The following KCNQ1 variants were observed in gnomAD, a reference collection of about 807,000 sequenced individuals.
KCNQ1 encodes potassium voltage-gated channel subfamily KQT member 1.
KCNQ1 carries 49 observed loss-of-function variants against 72.4 expected under a neutral mutation model. That is an observed-to-expected ratio of 0.68 (90% CI 0.54 to 0.86). KCNQ1 has a LOEUF of 0.86. Among genes scored for constraint, KCNQ1 ranks in the 40% least tolerant of loss-of-function variants. The pLI, the probability that KCNQ1 is intolerant of heterozygous loss-of-function variation, is 0.00. For missense variants in KCNQ1, 790 were observed against 945.1 expected, an observed-to-expected ratio of 0.84 and a Z score of 2.15; for synonymous variants, 450 against 412.6, an observed-to-expected ratio of 1.09 and a Z score of -1.10.
intron 9 of KCNQ1, 72 bp downstream of exon 9, chr11:2,587,764 C>A: frequency 6.2e-7 from 1 of 1,602,728 alleles, no homozygotes. Context: ...GGCCGCAGCA[C>A]GAGGCTGGGA....
chr11:2,503,979 A>G (rs75753584), intron 1 of KCNQ1, among the ~76,000 whole-genome samples: 4,134 of 152,306 alleles, frequency 0.027, 196 homozygotes, highest in African/African-American at 0.096. Context: ...CACTCTAGTT[A>G]TATATCCAGA....
In KCNQ1 at chr11:2,624,183, C is replaced by A; in HGVS notation, c.1393+35329C>A. Reference sequence around the variant, plus strand: ...CCTAATGACGTAAGATGTGGGGCATCTTTTCATATACTTAGTTGCCATCTG... The same window carrying A: ...CCTAATGACGTAAGATGTGGGGCATATTTTCATATACTTAGTTGCCATCTG... On this transcript the variant is annotated intron_variant, in intron 10 of 15. Transcript: ENST00000155840. This position sits in a 1 kb window ranked among gnomAD's most constrained non-coding sequence, Gnocchi z 4.9. 1 of 398,558 alleles carries A rather than the reference C, an allele frequency of 2.5e-6. No individual in the cohort carries two copies. The highest frequency in any genetic ancestry group is 4.4e-6 in the Non-Finnish European group (1 of 226,054). 24.7% of individuals were successfully genotyped at this position (398,558 alleles called of 1,614,324 possible).
At position 2,624,312 on chromosome 11, in the gene KCNQ1, G is replaced by C. The variant is rs1253741775; in HGVS notation, c.1393+35458G>C. On this transcript the variant is annotated intron_variant, in intron 10 of 15. Transcript: ENST00000155840. This position sits in a 1 kb window ranked among gnomAD's most constrained non-coding sequence, Gnocchi z 4.9. ...TTTTTAAGGTTCTTTATATATTTTG[G>C]ATGAGTCCTTTATCAGGTATATCTT... 1 of 398,308 alleles carries C rather than the reference G, an allele frequency of 2.5e-6. No individual in the cohort carries two copies. The highest frequency in any genetic ancestry group is 4.4e-6 in the Non-Finnish European group (1 of 226,020). 24.7% of individuals were successfully genotyped at this position (398,308 alleles called of 1,614,324 possible). A position where few individuals can be genotyped will look rare whatever the true frequency, so the allele number is the denominator to read the frequency against.
Position 2,809,323 on chromosome 11 carries a change from C to T in KCNQ1, c.1794+31286C>T, listed in dbSNP as rs1289259783. 6.6e-6 allele frequency among the ~76,000 whole-genome samples: 1 copy of T among 152,126 alleles called. No individual in the cohort carries two copies. Among genetic ancestry groups the T allele is most frequent in the Non-Finnish European group, 1.5e-5 (1 of 68,034 alleles). On this transcript the variant is annotated intron_variant, in intron 15 of 15. Coordinates refer to ENST00000155840, the MANE Select transcript of KCNQ1 (RefSeq NM_000218.3). The surrounding 1 kb of genome is among the most constrained non-coding windows in gnomAD (Gnocchi z 7.1). ...AGGTTAAGGAAAATAAAATGTGGGACGCTGGACTCATCGTGGGTTTTTGCG... is the reference window on the plus strand; with the variant it reads ...AGGTTAAGGAAAATAAAATGTGGGATGCTGGACTCATCGTGGGTTTTTGCG...
In KCNQ1 at chr11:2,815,481, C is replaced by A. The variant is rs1298129101; in HGVS notation, c.1795-32286C>A. On this transcript the variant is annotated intron_variant, in intron 15 of 15. Transcript: ENST00000155840. The surrounding 1 kb of genome is among the most constrained non-coding windows in gnomAD (Gnocchi z 5.4). Reference sequence around the variant, plus strand: ...CGGAGGAGGTCCTGGGAGCCCACCTCCTGTAGATCCAAACACCTGATCTCA... The same window carrying A: ...CGGAGGAGGTCCTGGGAGCCCACCTACTGTAGATCCAAACACCTGATCTCA... Among the ~76,000 whole-genome samples, 1 of 152,158 alleles carries A rather than the reference C, an allele frequency of 6.6e-6. No individual in the cohort carries two copies. The highest frequency in any genetic ancestry group is 6.5e-5 in the Admixed American group (1 of 15,280).
intron 1 of KCNQ1, among the ~76,000 whole-genome samples, chr11:2,472,074 G>A (rs1051272494): frequency 4.6e-5 from 7 of 151,750 alleles, no homozygotes; most frequent in Non-Finnish European, 8.8e-5. Context: ...GTAGGTGTGT[G>A]TGTTCATGTA....
rs1163502217 is a variant in KCNQ1 at position 2,830,363 on chromosome 11, T to TGCCTGATATCTTAG, written c.1795-17404_1795-17403insGCCTGATATCTTAG. On this transcript the variant is annotated intron_variant, in intron 15 of 15. Coordinates refer to ENST00000155840, the MANE Select transcript of KCNQ1 (RefSeq NM_000218.3). The surrounding 1 kb of genome is among the most constrained non-coding windows in gnomAD (Gnocchi z 7.7). ...CTTCCCTGGGCAGGCATCCCAGAGC[T>TGCCTGATATCTTAG]ATGACCTGAATGATATCTTAGATGA... Among the ~76,000 whole-genome samples, 7 of 152,200 alleles carry TGCCTGATATCTTAG rather than the reference T, an allele frequency of 4.6e-5. No individual in the cohort carries two copies. Among genetic ancestry groups the TGCCTGATATCTTAG allele is most frequent in the African/African-American group, 1.7e-4 (7 of 41,526 alleles).
At chr11:2,726,399 G>A (rs993930790) in intron 11 of KCNQ1, among the ~76,000 whole-genome samples, 1 of 152,146 alleles carries the variant, frequency 6.6e-6, no homozygotes, top group Non-Finnish European at 1.5e-5. Context: ...CTCTTCCTGG[G>A]CCAGCAGTAG....
chr11:2,732,827 G>C (rs776430569), intron 11 of KCNQ1, among the ~76,000 whole-genome samples: 1 of 151,986 alleles, frequency 6.6e-6, no homozygotes, highest in East Asian at 1.9e-4. Context: ...CCACCCACTG[G>C]GGCCCAGGGA....
In KCNQ1 at chr11:2,572,428, C is replaced by T. The variant is rs112806966; in HGVS notation, c.780+319C>T. Among the ~76,000 whole-genome samples, 41 of 152,330 alleles carry T rather than the reference C, an allele frequency of 2.7e-4. 2 individuals are homozygous for T. In the South Asian group the frequency reaches 8.1e-3, roughly 30 times the overall value. On this transcript the variant is annotated intron_variant, in intron 5 of 15. Coordinates refer to ENST00000155840, the MANE Select transcript of KCNQ1 (RefSeq NM_000218.3). The stretch of plus-strand genomic sequence containing the variant: ...AGGCAAATCAAGGACCCGGTCAAGG[C>T]AGGGCCACCAGACTCCCTCCCGAGG...
chr11:2,673,019 G>C lies in KCNQ1; in HGVS notation c.1514+10938G>C. The C allele has an allele frequency of 2.5e-6, 1 of 398,668 alleles. No individual in the cohort carries two copies. The highest frequency in any genetic ancestry group is 4.4e-6 in the Non-Finnish European group (1 of 226,106). 24.7% of individuals were successfully genotyped at this position (398,668 alleles called of 1,614,324 possible). A position where few individuals can be genotyped will look rare whatever the true frequency, so the allele number is the denominator to read the frequency against. ...AAGCCAGTGAATCAATGTGTTACTT[G>C]AACAAATATAGGGTCTAGGGCTGGC... On this transcript the variant is annotated intron_variant, in intron 11 of 15. Transcript: ENST00000155840. The surrounding 1 kb of genome is among the most constrained non-coding windows in gnomAD (Gnocchi z 4.5).
Position 2,687,093 on chromosome 11 carries a change from G to A in KCNQ1, c.1514+25012G>A. Reference sequence around the variant, plus strand: ...TGATGCAAGATATCCTGAGTTGGGTGTGACAAGTACACCTTGACACACAAA... The same window carrying A: ...TGATGCAAGATATCCTGAGTTGGGTATGACAAGTACACCTTGACACACAAA... On this transcript the variant is annotated intron_variant, in intron 11 of 15. Transcript: ENST00000155840. The surrounding 1 kb of genome is among the most constrained non-coding windows in gnomAD (Gnocchi z 5.0). 2.5e-6 allele frequency: 1 copy of A among 398,684 alleles called. No individual in the cohort carries two copies. Among genetic ancestry groups the A allele is most frequent in the Non-Finnish European group, 4.4e-6 (1 of 226,084 alleles). The allele number at this position is 398,684 out of a possible 1,614,324, so 24.7% of individuals were successfully genotyped here.
In KCNQ1 at chr11:2,781,248, C is replaced by T. The variant is rs1216556631; in HGVS notation, c.1794+3211C>T. 5.3e-5 allele frequency among the ~76,000 whole-genome samples: 8 copies of T among 152,066 alleles called. No individual in the cohort carries two copies. The highest frequency in any genetic ancestry group is 1.7e-4 in the African/African-American group (7 of 41,342). On this transcript the variant is annotated intron_variant, in intron 15 of 15. Transcript: ENST00000155840. This position sits in a 1 kb window ranked among gnomAD's most constrained non-coding sequence, Gnocchi z 6.6. Reference sequence around the variant, plus strand: ...AAATCCTCTTTTACAGATGGGGAAACCGAGGCTCAGAGAGGCTGAGTGGTC... The same window carrying T: ...AAATCCTCTTTTACAGATGGGGAAATCGAGGCTCAGAGAGGCTGAGTGGTC...
At position 2,478,976 on chromosome 11, in the gene KCNQ1, C is replaced by G. The variant is rs1042103346; in HGVS notation, c.386+33492C>G. Among the ~76,000 whole-genome samples, 1 of 152,238 alleles carries G rather than the reference C, an allele frequency of 6.6e-6. No individual in the cohort carries two copies. The highest frequency in any genetic ancestry group is 1.5e-5 in the Non-Finnish European group (1 of 68,044). On this transcript the variant is annotated intron_variant, in intron 1 of 15. Coordinates refer to ENST00000155840, the MANE Select transcript of KCNQ1 (RefSeq NM_000218.3). The surrounding 1 kb of genome is among the most constrained non-coding windows in gnomAD (Gnocchi z 4.0). ...AAACGAAGGGGCTAAAGGCCCCATGCAAGTTCGAAATCCAGTGGGGCAGTT... is the reference window on the plus strand; with the variant it reads ...AAACGAAGGGGCTAAAGGCCCCATGGAAGTTCGAAATCCAGTGGGGCAGTT...
intron 11 of KCNQ1, chr11:2,685,353 G>A (rs1850467908): frequency 2.5e-6 from 1 of 398,550 alleles, no homozygotes; most frequent in African/African-American, 2.1e-5. Flanking sequence ...AGGGTACATG[G>A]GCAGGTACCA....
chr11:2,713,542 G>T lies in KCNQ1; in HGVS notation c.1514+51461G>T, dbSNP rs1283450724. Reference sequence around the variant, plus strand: ...GAATTTTTCCCACTGTGGGAAGGGGGTCTGGAGGACAGGCACCCTTGTTGG... The same window carrying T: ...GAATTTTTCCCACTGTGGGAAGGGGTTCTGGAGGACAGGCACCCTTGTTGG... On this transcript the variant is annotated intron_variant, in intron 11 of 15. Coordinates refer to ENST00000155840, the MANE Select transcript of KCNQ1 (RefSeq NM_000218.3). The surrounding 1 kb of genome is among the most constrained non-coding windows in gnomAD (Gnocchi z 5.6). Among the ~76,000 whole-genome samples the T allele has an allele frequency of 2.6e-5, 4 of 152,138 alleles. No homozygotes were observed. Among genetic ancestry groups the T allele is most frequent in the Non-Finnish European group, 4.4e-5 (3 of 68,032 alleles).
At chr11:2,756,967 A>AC (rs1846311593) in intron 11 of KCNQ1, among the ~76,000 whole-genome samples, 3 of 147,674 alleles carry the variant, frequency 2.0e-5, no homozygotes, top group Admixed American at 1.4e-4. Flanking sequence ...AAAAAAAAAA[A>AC]AAAAAAAAAA....
intron 11 of KCNQ1, among the ~76,000 whole-genome samples, chr11:2,719,099 G>T (rs547662820): frequency 6.6e-6 from 1 of 152,180 alleles, no homozygotes; most frequent in Non-Finnish European, 1.5e-5. Context: ...AGCCCCAACC[G>T]CAGAGCACCA....
In KCNQ1 at chr11:2,588,886, G is replaced by T. The variant is rs375906670; in HGVS notation, c.1393+32G>T. ...ACCCCTCAGGCAGTTGGGGGCCGCGGGGCCGGGAAGGTCACTGCCTTTTTT... is the reference window on the plus strand; with the variant it reads ...ACCCCTCAGGCAGTTGGGGGCCGCGTGGCCGGGAAGGTCACTGCCTTTTTT... On this transcript the variant is annotated intron_variant, in intron 10 of 15. Coordinates refer to ENST00000155840, the MANE Select transcript of KCNQ1 (RefSeq NM_000218.3). The surrounding 1 kb of genome is among the most constrained non-coding windows in gnomAD (Gnocchi z 5.6). The T allele has an allele frequency of 4.7e-5, 76 of 1,608,334 alleles. No homozygotes were observed. The highest frequency in any genetic ancestry group is 6.4e-5 in the Non-Finnish European group (75 of 1,179,250).
Sources: gnomAD v4.1 joint callset for allele counts (sites outside exome capture counted in the v4.1 genomes callset) on GRCh38, gnomAD v4.1.1 for gene constraint, Gnocchi (gnomAD v3.1) non-coding constraint, MANE v1.5 for transcripts, NCBI Gene and HGNC (gene_info 2026-07-23, HGNC 2026-07-21) for gene names.